Variants in MTMR8 observed in about 807,000 individuals in gnomAD.
MTMR8 encodes myotubularin related protein 8, also known as phosphatidylinositol-3,5-bisphosphate 3-phosphatase MTMR8.
A neutral mutation model predicts 39.3 loss-of-function variants in MTMR8; 65 were observed. The ratio of observed to expected loss-of-function variants is 1.65; its 90% confidence interval spans 1.35 to 2.03. The LOEUF is 2.03. Ranked by LOEUF, MTMR8 falls within the 30% of genes most tolerant of loss-of-function variation. The probability of loss-of-function intolerance (pLI) is 0.00; values close to 1 mark genes in which losing one functional copy is unlikely to be tolerated. For synonymous variants in MTMR8, 245 were observed against 185.2 expected, an observed-to-expected ratio of 1.32 and a Z score of -2.62; for missense variants, 777 against 538.9, an observed-to-expected ratio of 1.44 and a Z score of -4.37.
At chrX:64,307,240 A>G (rs1264914358) in intron 12 of MTMR8, among the ~76,000 whole-genome samples, 2 of 111,768 alleles carry the variant, frequency 1.8e-5, no homozygotes, top group East Asian at 2.8e-4. Flanking sequence ...AAAAGTTTTT[A>G]ATTTTATTGA....
chrX:64,268,824 G>A lies in MTMR8; in HGVS notation c.1828C>T (p.His610Tyr). 1 of 1,211,602 alleles carries A rather than the reference G, an allele frequency of 8.3e-7. No homozygotes were observed. The highest frequency in any genetic ancestry group is 1.1e-6 in the Non-Finnish European group (1 of 895,501). ...CTGCCCACAATCTCACAACAGTTAT[G>A]GTGGAGGTCTGCACCCTGGCTTTTT... ...QVKSQGADLH[H>Y]NCCEIVGSLR... is the part of the protein sequence containing the mutation. The change falls in exon 14 of 14, where the codon CAT becomes TAT. Residue 610 changes from histidine (H) to tyrosine (Y), a missense_variant. Transcript: ENST00000374852.
rs1214308365 is a variant in MTMR8, at chrX:64,337,394, C to T, written c.976-1G>A. The T allele has an allele frequency of 9.1e-6, 11 of 1,205,874 alleles. No individual in the cohort carries two copies. The highest frequency in any genetic ancestry group is 1.2e-5 in the Non-Finnish European group (11 of 893,319). On this transcript the variant is annotated splice_acceptor_variant, in intron 8 of 13. Transcript: ENST00000374852. LOFTEE classifies it high-confidence loss of function. ...CACTGGCCTTTTCTACCTTCACTGC[C>T]TGTGAAGACAAGAGGCAAAAAAGTA...
intron 4 of MTMR8, among the ~76,000 whole-genome samples, chrX:64,353,353 G>A (rs974748613): frequency 9.0e-6 from 1 of 111,528 alleles, no homozygotes; most frequent in Non-Finnish European, 1.9e-5. Context: ...ATCTGACAAG[G>A]GATTAATAAC....
intron 12 of MTMR8, among the ~76,000 whole-genome samples, chrX:64,274,788 G>A (rs1931834952): frequency 8.9e-6 from 1 of 112,120 alleles, no homozygotes; most frequent in Admixed American, 9.5e-5. Context: ...CACTATGTAA[G>A]TGAAATAAGC....
intron 12 of MTMR8, among the ~76,000 whole-genome samples, chrX:64,284,320 T>A (rs1052607700): frequency 8.9e-6 from 1 of 111,834 alleles, no homozygotes; most frequent in African/African-American, 3.3e-5. Context: ...AATATGGGAC[T>A]ATGTGAAAAG....
chrX:64,359,406 C>G lies in MTMR8; in HGVS notation c.146G>C (p.Trp49Ser), dbSNP rs370725319. 1.6e-5 allele frequency: 19 copies of G among 1,202,195 alleles called. No individual in the cohort carries two copies. Among genetic ancestry groups the G allele is most frequent in the Non-Finnish European group, 2.1e-5 (19 of 889,959 alleles). The part of the protein sequence containing the change: ...EASGAARKET[W>S]IALHHIATVE... The stretch of plus-strand genomic sequence containing the variant: ...TGATACTTCTTCTCATGAACATACC[C>G]ATGTTTCTTTCCGGGCTGCACCTGA... Residue 49 changes from tryptophan (W) to serine (S), a missense_variant and splice_region_variant, in exon 2 of 14, where the codon TGG becomes TCG. Transcript: ENST00000374852.
intron 12 of MTMR8, among the ~76,000 whole-genome samples, chrX:64,302,428 G>A (rs994555189): frequency 1.8e-4 from 20 of 112,003 alleles, no homozygotes; most frequent in East Asian, 5.7e-4. Flanking sequence ...TTCGGCTCGC[G>A]GACGGTGCGC....
At chrX:64,385,313 C>T (rs1924530560) in intron 1 of MTMR8, among the ~76,000 whole-genome samples, 1 of 111,625 alleles carries the variant, frequency 9.0e-6, no homozygotes, top group Non-Finnish European at 1.9e-5. Flanking sequence ...ACCATTTAAC[C>T]AGTCTCTAGG....
At chrX:64,350,866 T>C (rs754783430) in intron 4 of MTMR8, among the ~76,000 whole-genome samples, 12 of 111,435 alleles carry the variant, frequency 1.1e-4, no homozygotes, top group Non-Finnish European at 2.3e-4. Context: ...AGACCTGACA[T>C]TGCAAAATTA....
rs150892470 is a variant in MTMR8, at chrX:64,364,737, C to T, written c.25-5210G>A. Among the ~76,000 whole-genome samples the T allele has an allele frequency of 9.4e-3, 1,045 of 111,736 alleles. 13 individuals carry two copies. Among genetic ancestry groups the T allele is most frequent in the Admixed American group, 0.043 (448 of 10,516 alleles). On this transcript the variant is annotated intron_variant, in intron 1 of 13. Coordinates refer to ENST00000374852, the MANE Select transcript of MTMR8 (RefSeq NM_017677.4). ...AAGGACTGCAGCTCCTCACCAGCAA[C>T]GGAACAAAGCTAGATGAAGAATGGC... is the stretch of plus-strand genomic sequence containing the variant.
At chrX:64,363,928 G>A (rs1923869384) in intron 1 of MTMR8, among the ~76,000 whole-genome samples, 1 of 112,521 alleles carries the variant, frequency 8.9e-6, no homozygotes, top group Non-Finnish European at 1.9e-5. Flanking sequence ...GGCACACCAG[G>A]AGATTATATC....
At chrX:64,289,584 C>G (rs1324724964) in intron 12 of MTMR8, among the ~76,000 whole-genome samples, 1 of 92,447 alleles carries the variant, frequency 1.1e-5, no homozygotes, top group Non-Finnish European at 2.1e-5. Context: ...TTACAATATG[C>G]TATAACTGTG....
intron 1 of MTMR8, among the ~76,000 whole-genome samples, chrX:64,386,847 C>T (rs968264337): frequency 4.6e-5 from 5 of 109,155 alleles, no homozygotes; most frequent in East Asian, 2.9e-4. Context: ...AGTTCAAGAC[C>T]AGCCTGGGCA....
At chrX:64,307,839 G>A (rs1406250571) in intron 12 of MTMR8, among the ~76,000 whole-genome samples, 3 of 112,311 alleles carry the variant, frequency 2.7e-5, no homozygotes, top group Non-Finnish European at 5.6e-5. Context: ...CATGCAATGT[G>A]CCTCTCCATT....
chrX:64,278,460 G>GTTTTTTTTTTTTTT (rs56132040), intron 12 of MTMR8, among the ~76,000 whole-genome samples: 1 of 24,686 alleles, frequency 4.1e-5, no homozygotes, highest in Non-Finnish European at 8.2e-5. Context: ...TATTTTGCTG[G>GTTTTTTTTTTTTTT]TTTTTTTTTT....
chrX:64,296,473 T>G (rs1225855746), intron 12 of MTMR8, among the ~76,000 whole-genome samples: 1 of 110,381 alleles, frequency 9.1e-6, no homozygotes, highest in East Asian at 2.9e-4. Context: ...GTTATGTATA[T>G]TTTACAAAAA....
At chrX:64,293,025 T>A (rs756525263) in intron 12 of MTMR8, among the ~76,000 whole-genome samples, 4 of 111,062 alleles carry the variant, frequency 3.6e-5, no homozygotes, top group Non-Finnish European at 7.6e-5. Flanking sequence ...ATGGAAAATG[T>A]TAACCAAGGT....
At chrX:64,293,177 T>C (rs7877423) in intron 12 of MTMR8, among the ~76,000 whole-genome samples, 1 of 111,769 alleles carries the variant, frequency 8.9e-6, no homozygotes, top group Non-Finnish European at 1.9e-5. Flanking sequence ...GGGCGCCTGA[T>C]AAGTGTAAGT....
chrX:64,385,778 A>G (rs906777006), intron 1 of MTMR8, among the ~76,000 whole-genome samples: 1 of 111,387 alleles, frequency 9.0e-6, no homozygotes, highest in Non-Finnish European at 1.9e-5. Flanking sequence ...ACCATTCATG[A>G]GAAGTCCATC....
Sources: allele counts gnomAD v4.1 joint callset (sites outside exome capture counted in the v4.1 genomes callset), GRCh38; gene constraint gnomAD v4.1.1; transcripts MANE v1.5; gene names NCBI Gene and HGNC (gene_info 2026-07-23, HGNC 2026-07-21).